The following PARD3B variants were observed in gnomAD, a reference collection of about 807,000 sequenced individuals.
The protein encoded by PARD3B is par-3 family cell polarity regulator beta.
Under a neutral mutation model 130.2 loss-of-function variants are expected in PARD3B, and 103 were observed. The ratio of observed to expected loss-of-function variants is 0.79; its 90% CI spans 0.67 to 0.93. PARD3B has a LOEUF of 0.93. Ranked by LOEUF, PARD3B falls within the 40% of genes least tolerant of loss-of-function variation. The pLI, the probability that PARD3B is intolerant of heterozygous loss-of-function variation, is 0.00. For missense variants in PARD3B, 1,609 were observed against 1,499.2 expected, an observed-to-expected ratio of 1.07 and a Z score of -1.21; for synonymous variants, 583 against 553.2, an observed-to-expected ratio of 1.05 and a Z score of -0.76.
intron 2 of PARD3B, among the ~76,000 whole-genome samples, chr2:204,900,282 A>G (rs934342564): frequency 6.6e-6 from 1 of 152,012 alleles, no homozygotes; most frequent in Non-Finnish European, 1.5e-5. Context: ...TAGATCCTGT[A>G]GGTGTACTTC....
chr2:205,083,998 CA>C (rs1701594104), intron 4 of PARD3B, among the ~76,000 whole-genome samples: 1 of 152,052 alleles, frequency 6.6e-6, no homozygotes, highest in Non-Finnish European at 1.5e-5. Context: ...AACTCTTAAA[CA>C]AAATCACTGT....
Position 205,607,576 on chromosome 2 carries a change from T to C in PARD3B, c.3261-7880T>C, listed in dbSNP as rs565729216. On this transcript the variant is annotated intron_variant, in intron 22 of 22. Coordinates refer to ENST00000406610, the MANE Select transcript of PARD3B (RefSeq NM_001302769.2). ...TGTTATGAGGAATAAATCCGTCAAATGGAGGAAACATTTAGGATGGAAACT... is the reference window on the plus strand; with the variant it reads ...TGTTATGAGGAATAAATCCGTCAAACGGAGGAAACATTTAGGATGGAAACT... Among the ~76,000 whole-genome samples, 9 of 152,266 alleles carry C rather than the reference T, an allele frequency of 5.9e-5. 2 individuals are homozygous for C. The highest frequency in any genetic ancestry group is 2.2e-4 in the African/African-American group (9 of 41,558).
chr2:205,477,142 A>C (rs1303640201), intron 20 of PARD3B, among the ~76,000 whole-genome samples: 1 of 152,234 alleles, frequency 6.6e-6, no homozygotes, highest in African/African-American at 2.4e-5. Context: ...GAACTCTGCA[A>C]ACGTTTCCTT....
intron 10 of PARD3B, among the ~76,000 whole-genome samples, chr2:205,126,787 AT>A (rs1647465781): frequency 6.8e-6 from 1 of 147,132 alleles, no homozygotes; most frequent in African/African-American, 2.5e-5. Context: ...AAAAAAAAAA[AT>A]TGATAATAGC....
intron 3 of PARD3B, among the ~76,000 whole-genome samples, chr2:205,027,093 G>C (rs951789622): frequency 1.3e-5 from 2 of 152,120 alleles, no homozygotes; most frequent in Admixed American, 1.3e-4. Context: ...TGGACCATAG[G>C]GTACTTATTA....
chr2:205,505,393 AAT>A (rs1177095147), intron 21 of PARD3B, among the ~76,000 whole-genome samples: 3 of 151,500 alleles, frequency 2.0e-5, no homozygotes, highest in African/African-American at 7.3e-5. Flanking sequence ...ATAATAAAAA[AAT>A]AAAATAAAAT....
At chr2:204,652,235 T>C (rs2035505719) in intron 1 of PARD3B, among the ~76,000 whole-genome samples, 1 of 152,198 alleles carries the variant, frequency 6.6e-6, no homozygotes, top group South Asian at 2.1e-4. Context: ...AACTTCTTGC[T>C]CTGCTTCCTT....
At chr2:204,869,191 G>A (rs2045540071) in intron 2 of PARD3B, among the ~76,000 whole-genome samples, 2 of 152,110 alleles carry the variant, frequency 1.3e-5, no homozygotes, top group African/African-American at 4.8e-5. Flanking sequence ...GCCCTATTAG[G>A]GATGGGTCTT....
At position 204,585,711 on chromosome 2, in the gene PARD3B, A is replaced by G. The variant is rs1383420746; in HGVS notation, c.120+39592A>G. ...GATTGATAGGCTTCTAGGTTGCTAT[A>G]ATATACGTCTGCACATTTTCATTAA... On this transcript the variant is annotated intron_variant, in intron 1 of 22. Transcript: ENST00000406610. Among the ~76,000 whole-genome samples the G allele has an allele frequency of 2.6e-5, 4 of 151,976 alleles. No individual in the cohort carries two copies. The East Asian group carries it at 7.7e-4, about 29-fold the overall frequency.
At chr2:204,982,107 T>C (rs562420999) in intron 3 of PARD3B, among the ~76,000 whole-genome samples, 109 of 152,260 alleles carry the variant, frequency 7.2e-4, no homozygotes, top group African/African-American at 2.5e-3. Flanking sequence ...AGGGAGACTT[T>C]TATTTTTTAT....
chr2:204,677,016 C>T lies in PARD3B; in HGVS notation c.121-9165C>T, dbSNP rs987718238. Among the ~76,000 whole-genome samples, 5 of 152,120 alleles carry T rather than the reference C, an allele frequency of 3.3e-5. No individual in the cohort carries two copies. Among genetic ancestry groups the T allele is most frequent in the African/African-American group, 1.2e-4 (5 of 41,404 alleles). On this transcript the variant is annotated intron_variant, in intron 1 of 22. Transcript: ENST00000406610. The surrounding 1 kb of genome is among the most constrained non-coding windows in gnomAD (Gnocchi z 4.1). ...TTTCTTACGCTGAGTTTCTACCTCTCTATCGTCTATGTATCATTTCTAGAA... is the reference window on the plus strand; with the variant it reads ...TTTCTTACGCTGAGTTTCTACCTCTTTATCGTCTATGTATCATTTCTAGAA...
chr2:205,126,593 A>C (rs1470264049), intron 10 of PARD3B, among the ~76,000 whole-genome samples: 1 of 151,086 alleles, frequency 6.6e-6, no homozygotes, highest in Non-Finnish European at 1.5e-5. Flanking sequence ...TACAAAAAAA[A>C]AAATTAGCCG....
At chr2:204,894,187 T>A (rs762702536) in intron 2 of PARD3B, among the ~76,000 whole-genome samples, 2 of 152,172 alleles carry the variant, frequency 1.3e-5, no homozygotes, top group Non-Finnish European at 2.9e-5. Flanking sequence ...TTTGATGAAT[T>A]ATACATGTTG....
intron 3 of PARD3B, among the ~76,000 whole-genome samples, chr2:204,982,189 A>C (rs1053151345): frequency 1.3e-5 from 2 of 152,296 alleles, no homozygotes; most frequent in African/African-American, 4.8e-5. Context: ...ACATTAGGAC[A>C]CAAGTAGGCC....
At chr2:205,392,237 C>T (rs1490733886) in intron 18 of PARD3B, among the ~76,000 whole-genome samples, 2 of 152,122 alleles carry the variant, frequency 1.3e-5, no homozygotes, top group South Asian at 2.1e-4. Flanking sequence ...AGTTGTAGAA[C>T]GTTATAGGAC....
At chr2:205,345,241 G>A (rs1418144791) in intron 18 of PARD3B, among the ~76,000 whole-genome samples, 1 of 152,132 alleles carries the variant, frequency 6.6e-6, no homozygotes, top group Non-Finnish European at 1.5e-5. Flanking sequence ...TAAGTATGAC[G>A]AAGTGGACAG....
chr2:204,760,482 T>G (rs2040852440), intron 2 of PARD3B, among the ~76,000 whole-genome samples: 1 of 152,056 alleles, frequency 6.6e-6, no homozygotes, highest in Non-Finnish European at 1.5e-5. Context: ...ATATTGTGAT[T>G]AAAAAATCAT....
Position 204,718,803 on chromosome 2 carries a change from G to A in PARD3B, c.222+32521G>A, listed in dbSNP as rs77192198. 0.012 allele frequency among the ~76,000 whole-genome samples: 1,887 copies of A among 152,314 alleles called. 75 individuals are homozygous for A. The East Asian group carries it at 0.14, about 11-fold the overall frequency. On this transcript the variant is annotated intron_variant, in intron 2 of 22. Coordinates refer to ENST00000406610, the MANE Select transcript of PARD3B (RefSeq NM_001302769.2). ...GCCCTTGGCTGCCTTTGAGATATGT[G>A]TATCCCTGAGCAATCAGTTGTGTTG...
chr2:205,058,667 C>T (rs72927591), intron 4 of PARD3B, among the ~76,000 whole-genome samples: 1,845 of 151,902 alleles, frequency 0.012, 32 homozygotes, highest in Non-Finnish European at 0.014. Flanking sequence ...ATTGTAGTTT[C>T]GATTTGCATT....
Sources: gnomAD v4.1 joint callset for allele counts (sites outside exome capture counted in the v4.1 genomes callset) on GRCh38, gnomAD v4.1.1 for gene constraint, Gnocchi (gnomAD v3.1) non-coding constraint, MANE v1.5 for transcripts, NCBI Gene and HGNC (gene_info 2026-07-23, HGNC 2026-07-21) for gene names.